The following SRRM2 variants were observed in gnomAD, a reference collection of about 807,000 sequenced individuals.
The protein encoded by SRRM2 is serine/arginine repetitive matrix protein 2.
SRRM2 carries 30 observed loss-of-function variants against 213.8 expected under a neutral mutation model. That is an observed-to-expected ratio of 0.14 (90% CI 0.10 to 0.19). The LOEUF is 0.19. SRRM2 is among the 10% of genes least tolerant of loss of function. The probability of loss-of-function intolerance (pLI) is 1.00; values close to 1 mark genes in which losing one functional copy is unlikely to be tolerated. For synonymous variants in SRRM2, 2,025 were observed against 1,377.7 expected, an observed-to-expected ratio of 1.47 and a Z score of -10.40; for missense variants, 4,904 against 3,647.0, an observed-to-expected ratio of 1.34 and a Z score of -8.88.
chr16:2,761,995 C>T lies in SRRM2; in HGVS notation c.1467C>T (p.Thr489=), dbSNP rs375121354. The T allele has an allele frequency of 1.2e-5, 20 of 1,614,046 alleles. No individual in the cohort carries two copies. The highest frequency in any genetic ancestry group is 3.3e-5 in the Admixed American group (2 of 60,004). Residue 489 remains threonine (T), a synonymous_variant, in exon 11 of 15, where the codon ACC becomes ACT. Coordinates refer to ENST00000301740, the MANE Select transcript of SRRM2 (RefSeq NM_016333.4). ...RRMGRSRSPA[T]AKRGRSRSRT... The stretch of plus-strand genomic sequence containing the variant: ...TGGGGAGGTCCCGTAGCCCTGCCAC[C>T]GCTAAGAGAGGGCGATCTCGGTCTC...
chr16:2,758,002 T>C (rs200053625), intron 4 of SRRM2, 57 bp downstream of exon 4: 32 of 1,548,560 alleles, frequency 2.1e-5, no homozygotes, highest in African/African-American at 4.2e-5. Flanking sequence ...AGCTCCATGC[T>C]CTATTTTTGT....
chr16:2,754,177 C>T (rs148876154), intron 1 of SRRM2, among the ~76,000 whole-genome samples: 34 of 152,106 alleles, frequency 2.2e-4, no homozygotes, highest in Non-Finnish European at 2.8e-4. Flanking sequence ...CTTAACACAC[C>T]CCTTAGATGC....
rs1256397888 is a variant in SRRM2, at chr16:2,771,397, ATG to A, written c.*531_*532del. On this transcript the variant is annotated 3_prime_UTR_variant, in exon 15 of 15. Coordinates refer to ENST00000301740, the MANE Select transcript of SRRM2 (RefSeq NM_016333.4). ...GAGCAACTTTTTCTGTCAAATAAAA[ATG>A]AGAAATGCAGGAACTGGGTCTGTAG... is the stretch of plus-strand genomic sequence containing the variant. 6.2e-6 allele frequency: 10 copies of A among 1,610,210 alleles called. No individual in the cohort carries two copies. The East Asian group carries it at 1.1e-4, about 18-fold the overall frequency.
chr16:2,767,050 A>T lies in SRRM2; in HGVS notation c.6522A>T (p.Glu2174Asp). The T allele has an allele frequency of 6.2e-7, 1 of 1,614,164 alleles. No individual in the cohort carries two copies. The highest frequency in any genetic ancestry group is 8.5e-7 in the Non-Finnish European group (1 of 1,180,022). Residue 2174 changes from glutamate (E) to aspartate (D), a missense_variant, in exon 11 of 15, where the codon GAA (glutamate) becomes GAT (aspartate). Coordinates refer to ENST00000301740, the MANE Select transcript of SRRM2 (RefSeq NM_016333.4). ...IPDHQRTSVPENHAQSRIALA... is the reference protein window; with the variant it reads ...IPDHQRTSVPDNHAQSRIALA... ...ACCACCAGAGAACATCTGTGCCAGAAAATCATGCTCAGTCCAGGATTGCAC... is the reference window on the plus strand; with the variant it reads ...ACCACCAGAGAACATCTGTGCCAGATAATCATGCTCAGTCCAGGATTGCAC...
At chr16:2,755,237 C>T (rs893601044) in intron 1 of SRRM2, among the ~76,000 whole-genome samples, 2 of 152,078 alleles carry the variant, frequency 1.3e-5, no homozygotes, top group Admixed American at 6.5e-5. Context: ...TTCAGAATCA[C>T]GTTAGGGTTG....
At chr16:2,758,675 T>C (rs934273726) in intron 5 of SRRM2, 128 bp downstream of exon 5, 31 of 893,486 alleles carry the variant, frequency 3.5e-5, no homozygotes, top group African/African-American at 2.7e-4. Flanking sequence ...GGAGTTACCA[T>C]TGAGGCCTCA....
At chr16:2,755,024 C>T (rs1176119155) in intron 1 of SRRM2, among the ~76,000 whole-genome samples, 1 of 152,180 alleles carries the variant, frequency 6.6e-6, no homozygotes, top group African/African-American at 2.4e-5. Flanking sequence ...CCCTTCTATC[C>T]AGTTCTTTTA....
intron 11 of SRRM2, 52 bp downstream of exon 11, chr16:2,768,313 G>A (rs1348391382): frequency 1.3e-6 from 2 of 1,509,772 alleles, no homozygotes; most frequent in Non-Finnish European, 1.8e-6. Context: ...ATTGGGGATG[G>A]GTTGGGGAGT....
Position 2,760,289 on chromosome 16 carries a change from T to G in SRRM2, c.834-12T>G. On this transcript the variant is annotated splice_polypyrimidine_tract_variant and intron_variant, in intron 9 of 14. Transcript: ENST00000301740. Reference sequence around the variant, plus strand: ...TTCCTTCCTCTCCCACGTCCTCAATTAACTCCTGCAGGTCTCGAAGTGCTG... The same window carrying G: ...TTCCTTCCTCTCCCACGTCCTCAATGAACTCCTGCAGGTCTCGAAGTGCTG... 1 of 1,611,192 alleles carries G rather than the reference T, an allele frequency of 6.2e-7. No homozygotes were observed. Among genetic ancestry groups the G allele is most frequent in the South Asian group, 1.1e-5 (1 of 90,856 alleles).
Position 2,761,892 on chromosome 16 carries a change from C to T in SRRM2, c.1364C>T (p.Ser455Phe). Reference sequence around the variant, plus strand: ...CCAGGGTCCCACCGAGAGATTTCTTCTTCTCCCACATCTAAGAATCGCTCA... The same window carrying T: ...CCAGGGTCCCACCGAGAGATTTCTTTTTCTCCCACATCTAAGAATCGCTCA... ...PAPGSHREIS[S>F]SPTSKNRSHG... Residue 455 changes from serine to phenylalanine, a missense_variant, in exon 11 of 15, where the codon TCT becomes TTT. By Grantham distance (155) the Ser-to-Phe change is radical. Transcript: ENST00000301740. 1.2e-6 allele frequency: 2 copies of T among 1,613,184 alleles called. No homozygotes were observed. The highest frequency in any genetic ancestry group is 2.2e-5 in the South Asian group (2 of 91,078).
chr16:2,767,243 G>T lies in SRRM2; in HGVS notation c.6715G>T (p.Ala2239Ser), dbSNP rs778319146. Residue 2239 changes from alanine (A) to serine (S), a missense_variant, in exon 11 of 15, where the codon GCC becomes TCC. Coordinates refer to ENST00000301740, the MANE Select transcript of SRRM2 (RefSeq NM_016333.4). ...CAGGATTCCTGCAGCCTCTGCGGCA[G>T]CCATGAACCTAGCCAGCGCCAGGAC... ...ASRIPAASAA[A>S]MNLASARTPA... 2.5e-6 allele frequency: 4 copies of T among 1,613,990 alleles called. No homozygotes were observed. Among genetic ancestry groups the T allele is most frequent in the Non-Finnish European group, 3.4e-6 (4 of 1,180,064 alleles).
chr16:2,770,849 C>T lies in SRRM2; in HGVS notation c.8250-9C>T. On this transcript the variant is annotated splice_polypyrimidine_tract_variant and intron_variant, in intron 14 of 14. Transcript: ENST00000301740. Reference sequence around the variant, plus strand: ...GGAACTCCCTGTTGACCCATATCTTCTCTTGCAGGTCTCCATAAATTGTCT... The same window carrying T: ...GGAACTCCCTGTTGACCCATATCTTTTCTTGCAGGTCTCCATAAATTGTCT... 5.6e-6 allele frequency: 9 copies of T among 1,614,090 alleles called. No homozygotes were observed. Among genetic ancestry groups the T allele is most frequent in the Non-Finnish European group, 7.6e-6 (9 of 1,180,008 alleles).
At chr16:2,760,629 C>T (rs1044645503) in intron 10 of SRRM2, 130 bp downstream of exon 10, 2 of 1,007,788 alleles carry the variant, frequency 2.0e-6, no homozygotes, top group South Asian at 1.7e-5. Context: ...GCATTTCTCT[C>T]CTAGTTCTCT....
At chr16:2,759,830 A>G in intron 9 of SRRM2, 169 bp downstream of exon 9, 2 of 581,048 alleles carry the variant, frequency 3.4e-6, no homozygotes, top group East Asian at 2.9e-5. Flanking sequence ...AGACATATAC[A>G]TTTCCCCTTC....
rs201531430 is a variant in SRRM2 at position 2,766,662 on chromosome 16, G to A, written c.6134G>A (p.Arg2045His). The part of the protein sequence containing the change: ...PLLPRKRSRS[R>H]SPLAIRRRSR... ...TTACCACGCAAACGTTCTCGAAGTC[G>A]CTCACCACTTGCTATCCGCCGCCGC... Residue 2045 changes from arginine to histidine, a missense_variant, in exon 11 of 15, where the codon CGC becomes CAC. Arg to His is a conservative substitution (Grantham distance 29, BLOSUM62 0). Coordinates refer to ENST00000301740, the MANE Select transcript of SRRM2 (RefSeq NM_016333.4). The surrounding 1 kb of genome is among the most constrained non-coding windows in gnomAD (Gnocchi z 7.0). 230 of 1,612,924 alleles carry A rather than the reference G, an allele frequency of 1.4e-4. 1 individual carries two copies. Among genetic ancestry groups the A allele is most frequent in the Middle Eastern group, 9.9e-4 (6 of 6,056 alleles).
Position 2,766,751 on chromosome 16 carries a change from A to C in SRRM2, c.6223A>C (p.Ile2075Leu), listed in dbSNP as rs756707685. Reference protein sequence around the residue: ...KRSLTRSPPAIRRRSASGSSS... With the variant: ...KRSLTRSPPALRRRSASGSSS... ...GTCCTTAACAAGATCTCCTCCAGCCATCCGCAGGCGTTCTGCATCTGGAAG... is the reference window on the plus strand; with the variant it reads ...GTCCTTAACAAGATCTCCTCCAGCCCTCCGCAGGCGTTCTGCATCTGGAAG... Residue 2075 changes from isoleucine (I) to leucine (L), a missense_variant, in exon 11 of 15, where the codon ATC becomes CTC. By Grantham distance (5) the Ile-to-Leu change is conservative. Coordinates refer to ENST00000301740, the MANE Select transcript of SRRM2 (RefSeq NM_016333.4). This position sits in a 1 kb window ranked among gnomAD's most constrained non-coding sequence, Gnocchi z 7.0. The C allele has an allele frequency of 6.2e-7, 1 of 1,614,058 alleles. No homozygotes were observed. Among genetic ancestry groups the C allele is most frequent in the Non-Finnish European group, 8.5e-7 (1 of 1,180,046 alleles).
At position 2,764,058 on chromosome 16, in the gene SRRM2, C is replaced by G. The variant is rs188222132; in HGVS notation, c.3530C>G (p.Thr1177Ser). 3 of 1,614,146 alleles carry G rather than the reference C, an allele frequency of 1.9e-6. No individual in the cohort carries two copies. The African/African-American group carries it at 4.0e-5, about 22-fold the overall frequency. The stretch of plus-strand genomic sequence containing the variant: ...GCCTTACCCCCTCAGGAGGATGCTA[C>G]TGCATCACCTCCTAGACAGAAAGAC... The part of the protein sequence containing the change: ...KMALPPQEDA[T>S]ASPPRQKDKF... Residue 1177 changes from threonine to serine, a missense_variant, in exon 11 of 15, where the codon ACT becomes AGT. Coordinates refer to ENST00000301740, the MANE Select transcript of SRRM2 (RefSeq NM_016333.4).
intron 4 of SRRM2, 60 bp downstream of exon 4, chr16:2,758,005 A>C (rs1362482973): frequency 9.7e-6 from 15 of 1,547,790 alleles, no homozygotes; most frequent in East Asian, 4.5e-5. Flanking sequence ...TCCATGCTCT[A>C]TTTTTGTCTT....
intron 9 of SRRM2, 22 bp from the exon 10 acceptor site, chr16:2,760,279 C>T (rs377168988): frequency 2.1e-5 from 33 of 1,607,442 alleles, no homozygotes; most frequent in Admixed American, 6.7e-5. Flanking sequence ...TCCTCTCCCA[C>T]GTCCTCAATT....
Sources: allele counts gnomAD v4.1 joint callset (sites outside exome capture counted in the v4.1 genomes callset), GRCh38; gene constraint gnomAD v4.1.1; non-coding constraint Gnocchi (gnomAD v3.1); transcripts MANE v1.5; gene names NCBI Gene and HGNC (gene_info 2026-07-23, HGNC 2026-07-21).